Variants in UGCG observed in about 807,000 individuals in gnomAD.
UGCG encodes the protein UDP-glucose ceramide glucosyltransferase, also known as ceramide glucosyltransferase.
UGCG carries 10 observed loss-of-function variants against 49.5 expected under a neutral mutation model. The observed-to-expected ratio is 0.20, with a 90% CI of 0.12 to 0.34. The LOEUF (loss-of-function observed/expected upper bound fraction) is 0.34. UGCG is among the 10% of genes least tolerant of loss of function. The pLI, the probability that UGCG is intolerant of heterozygous loss-of-function variation, is 1.00. For missense variants in UGCG, 312 were observed against 483.7 expected (o/e 0.65, Z 3.33); for synonymous variants, 182 against 158.2 (o/e 1.15, Z -1.13).
At chr9:111,925,049 T>G (rs946473726) in intron 4 of UGCG, among the ~76,000 whole-genome samples, 171 bp downstream of exon 4, 3 of 152,216 alleles carry the variant, frequency 2.0e-5, no homozygotes, top group African/African-American at 7.2e-5. Context: ...TTGATTTTTT[T>G]AATCCTAAAC....
chr9:111,897,337 G>T, intron 1 of UGCG, 24 bp downstream of exon 1: 1 of 1,536,508 alleles, frequency 6.5e-7, no homozygotes, highest in Non-Finnish European at 8.8e-7. Flanking sequence ...CGCAGGAGGG[G>T]CTCGGGGCAG....
intron 1 of UGCG, among the ~76,000 whole-genome samples, chr9:111,901,008 G>A (rs1172527431): frequency 6.6e-6 from 1 of 152,012 alleles, no homozygotes; most frequent in Non-Finnish European, 1.5e-5. Flanking sequence ...ATCACGCCCA[G>A]CTAATTTTTG....
intron 2 of UGCG, chr9:111,915,809 G>A (rs1838100026): frequency 1.7e-5 from 17 of 984,990 alleles, no homozygotes; most frequent in Middle Eastern, 5.2e-4. Context: ...AGACACAGAT[G>A]TGATAGCCTT....
intron 2 of UGCG, among the ~76,000 whole-genome samples, chr9:111,918,737 C>T (rs1022283831): frequency 1.3e-5 from 2 of 151,632 alleles, no homozygotes; most frequent in African/African-American, 2.4e-5. Context: ...ATCGAGACCA[C>T]GGTGAAACCC....
intron 2 of UGCG, 70 bp from the exon 3 acceptor site, chr9:111,922,779 C>G: frequency 1.9e-6 from 2 of 1,077,112 alleles, no homozygotes. Context: ...GCTTTTTGTT[C>G]AATCAATACA....
At chr9:111,907,894 G>A (rs982630475) in intron 1 of UGCG, among the ~76,000 whole-genome samples, 1 of 152,170 alleles carries the variant, frequency 6.6e-6, no homozygotes, top group Non-Finnish European at 1.5e-5. Context: ...CTCCCAAAGT[G>A]CTGGGATTAC....
chr9:111,922,679 A>G, intron 2 of UGCG, 170 bp from the exon 3 acceptor site: 1 of 415,988 alleles, frequency 2.4e-6, no homozygotes. Flanking sequence ...TCACTCCATT[A>G]AAGCAACACT....
chr9:111,929,374 C>A, intron 5 of UGCG, 126 bp from the exon 6 acceptor site: 1 of 952,004 alleles, frequency 1.1e-6, no homozygotes, highest in Non-Finnish European at 1.5e-6. Context: ...TTCAGGTAGT[C>A]TACGTAAGAA....
chr9:111,910,809 G>A (rs1458288710), intron 1 of UGCG, among the ~76,000 whole-genome samples: 3 of 152,054 alleles, frequency 2.0e-5, no homozygotes, highest in African/African-American at 4.8e-5. Flanking sequence ...GCAGTGGCGC[G>A]ATCTCTGCTC....
intron 1 of UGCG, among the ~76,000 whole-genome samples, chr9:111,913,660 G>C (rs567472888): frequency 6.8e-6 from 1 of 146,568 alleles, no homozygotes; most frequent in African/African-American, 2.5e-5. Context: ...GGCTGGTCTC[G>C]AACTCCTGAC....
chr9:111,916,534 G>A (rs1838114202), intron 2 of UGCG, among the ~76,000 whole-genome samples: 1 of 152,088 alleles, frequency 6.6e-6, no homozygotes, highest in Non-Finnish European at 1.5e-5. Context: ...TAGTGGCACA[G>A]TCGTGGCTCA....
At chr9:111,924,398 C>T (rs985429113) in intron 3 of UGCG, among the ~76,000 whole-genome samples, 1 of 152,124 alleles carries the variant, frequency 6.6e-6, no homozygotes, top group African/African-American at 2.4e-5. Context: ...TATACTTTCT[C>T]ATGTACTTAT....
At chr9:111,903,195 A>C (rs182380765) in intron 1 of UGCG, among the ~76,000 whole-genome samples, 73 of 152,310 alleles carry the variant, frequency 4.8e-4, no homozygotes, top group African/African-American at 1.7e-3. Flanking sequence ...ACCTGTCTCC[A>C]GTGGGTTTCC....
At chr9:111,918,236 T>G (rs1838146870) in intron 2 of UGCG, among the ~76,000 whole-genome samples, 1 of 152,094 alleles carries the variant, frequency 6.6e-6, no homozygotes, top group Non-Finnish European at 1.5e-5. Flanking sequence ...GAGAGAGGAT[T>G]TCATCATGTT....
intron 2 of UGCG, chr9:111,915,904 A>C: frequency 2.2e-6 from 2 of 891,458 alleles, no homozygotes; most frequent in Non-Finnish European, 2.7e-6. Context: ...GGAGTTTTGG[A>C]GTTTAGAAGC....
chr9:111,928,624 G>A (rs1838367274), intron 5 of UGCG, among the ~76,000 whole-genome samples: 1 of 152,142 alleles, frequency 6.6e-6, no homozygotes, highest in Non-Finnish European at 1.5e-5. Context: ...ACAAACACTA[G>A]GGCTTCACTG....
Position 111,924,843 on chromosome 9 carries a change from A to T in UGCG, c.410A>T (p.Tyr137Phe). 1 of 1,534,922 alleles carries T rather than the reference A, an allele frequency of 6.5e-7. No homozygotes were observed. Among genetic ancestry groups the T allele is most frequent in the Non-Finnish European group, 8.7e-7 (1 of 1,148,238 alleles). Reference sequence around the variant, plus strand: ...ATGCCAGGATATGAAGTTGCAAAGTATGATCTTATATGGATTTGTGATAGT... The same window carrying T: ...ATGCCAGGATATGAAGTTGCAAAGTTTGATCTTATATGGATTTGTGATAGT... ...NLMPGYEVAK[Y>F]DLIWICDSGI... Residue 137 changes from tyrosine to phenylalanine, a missense_variant, in exon 4 of 9, where the codon TAT becomes TTT. This residue lies in a region of UGCG where 64 missense variants were observed against 67.6 expected (regional missense o/e 0.95). Transcript: ENST00000374279.
At position 111,924,872 on chromosome 9, in the gene UGCG, A is replaced by G. The variant is rs746867975; in HGVS notation, c.439A>G (p.Ile147Val). 1.4e-6 allele frequency: 2 copies of G among 1,472,466 alleles called. No individual in the cohort carries two copies. The highest frequency in any genetic ancestry group is 1.8e-6 in the Non-Finnish European group (2 of 1,113,634). 91.2% of individuals were successfully genotyped at this position (1,472,466 alleles called of 1,614,324 possible). ...YDLIWICDSGIRVIPDTLTDM... is the reference protein window; with the variant it reads ...YDLIWICDSGVRVIPDTLTDM... Reference sequence around the variant, plus strand: ...TCTTATATGGATTTGTGATAGTGGAATAAGAGGTGAGGTTTTTTTCTTATT... The same window carrying G: ...TCTTATATGGATTTGTGATAGTGGAGTAAGAGGTGAGGTTTTTTTCTTATT... Residue 147 changes from isoleucine (I) to valine (V), a missense_variant, in exon 4 of 9, where the codon ATA becomes GTA. Physicochemically the swap from Ile to Val is conservative, Grantham distance 29. Coordinates refer to ENST00000374279, the MANE Select transcript of UGCG (RefSeq NM_003358.3).
chr9:111,905,162 A>T (rs1052815577), intron 1 of UGCG, among the ~76,000 whole-genome samples: 14 of 152,102 alleles, frequency 9.2e-5, no homozygotes, highest in African/African-American at 3.4e-4. Context: ...TACTGTTATC[A>T]CATTTCAACT....
Sources: gnomAD v4.1 joint callset for allele counts (sites outside exome capture counted in the v4.1 genomes callset) on GRCh38, gnomAD v4.1.1 for gene constraint, gnomAD v4.1.1 regional missense constraint, MANE v1.5 for transcripts, NCBI Gene and HGNC (gene_info 2026-07-23, HGNC 2026-07-21) for gene names.